KLRG2: variants seen among roughly 807,000 people sequenced by gnomAD.
KLRG2 encodes killer cell lectin-like receptor subfamily G member 2.
Under a neutral mutation model 35.4 loss-of-function variants are expected in KLRG2, and 39 were observed. The observed-to-expected ratio is 1.10, with a 90% confidence interval of 0.85 to 1.44. The LOEUF (loss-of-function observed/expected upper bound fraction) is 1.44, where lower values mean the gene tolerates loss of function less well. Among genes scored for constraint, KLRG2 ranks in the 40% most tolerant of loss-of-function variants. The pLI is 0.00. For synonymous variants in KLRG2, 283 were observed against 265.8 expected (o/e 1.06, Z -0.63); for missense variants, 632 against 570.9 (o/e 1.11, Z -1.09).
Position 139,479,705 on chromosome 7 carries a change from T to C in KLRG2, c.927A>G (p.Ala309=), listed in dbSNP as rs1371869992. The C allele has an allele frequency of 6.2e-7, 1 of 1,613,972 alleles. No individual in the cohort carries two copies. The highest frequency in any genetic ancestry group is 8.5e-7 in the Non-Finnish European group (1 of 1,180,018). ...LSEEHCYYFS[A]EAQAWEASQA... ...GGCTGGCTTCCCAGGCCTGCGCTTC[T>C]GCAGAGAAGTAGTAACAGTGCTCCT... is the stretch of plus-strand genomic sequence containing the variant. Residue 309 remains alanine, a synonymous_variant, in exon 3 of 5, where the codon GCA becomes GCG. Transcript: ENST00000340940.
chr7:139,445,793 G>GTATATATATATAGATGTA, the KLRG2 span, among the ~76,000 whole-genome samples: 1 of 95,600 alleles, frequency 1.0e-5, no homozygotes, highest in African/African-American at 8.3e-5. Flanking sequence ...ATATATATAT[G>GTATATATATATAGATGTA]TGTGTATATA....
downstream of KLRG2, among the ~76,000 whole-genome samples, chr7:139,448,245 C>G (rs552627764): frequency 2.0e-5 from 3 of 152,118 alleles, no homozygotes; most frequent in Non-Finnish European, 2.9e-5. Flanking sequence ...ATCCTCCTAC[C>G]TCTGCCTCCT....
the KLRG2 span, among the ~76,000 whole-genome samples, chr7:139,430,880 G>A: frequency 4.0e-5 from 6 of 151,826 alleles, no homozygotes; most frequent in South Asian, 1.3e-3. Flanking sequence ...ATGGTGGCAG[G>A]TGCCTATAAT....
At chr7:139,449,323 C>T (rs1796343120), downstream of KLRG2, among the ~76,000 whole-genome samples, 1 of 151,972 alleles carries the variant, frequency 6.6e-6, no homozygotes, top group African/African-American at 2.4e-5. Context: ...ATCACTGGAA[C>T]CTGGGAGGTG....
At chr7:139,453,930 T>C (rs1294340531) in intron 4 of KLRG2, among the ~76,000 whole-genome samples, 181 bp downstream of exon 4, 1 of 152,086 alleles carries the variant, frequency 6.6e-6, no homozygotes, top group African/African-American at 2.4e-5. Flanking sequence ...TGGGTGAACG[T>C]GCTGGGAACC....
Position 139,460,950 on chromosome 7 carries a change from G to A in KLRG2, c.1006-6736C>T, listed in dbSNP as rs368725589. On this transcript the variant is annotated intron_variant, in intron 3 of 4. Transcript: ENST00000340940. ...TGCACTCGAGCCTGGGTGACAGAGC[G>A]AGACTCTGTGTCAATTGAAAAAAAG... Among the ~76,000 whole-genome samples, 22 of 149,572 alleles carry A rather than the reference G, an allele frequency of 1.5e-4. No homozygotes were observed. The East Asian group carries it at 2.8e-3, about 19-fold the overall frequency.
chr7:139,455,611 G>T (rs550619582), intron 3 of KLRG2, among the ~76,000 whole-genome samples: 10 of 152,274 alleles, frequency 6.6e-5, no homozygotes, highest in Non-Finnish European at 1.3e-4. Context: ...GTGAGCCACC[G>T]CGCCCGGCCA....
chr7:139,439,556 T>C, the KLRG2 span, among the ~76,000 whole-genome samples: 1 of 152,226 alleles, frequency 6.6e-6, no homozygotes, highest in Non-Finnish European at 1.5e-5. Context: ...CCGACACTCA[T>C]GAGGGTTCCA....
intron 3 of KLRG2, among the ~76,000 whole-genome samples, chr7:139,460,140 C>T (rs936761825): frequency 4.6e-5 from 7 of 152,186 alleles, no homozygotes; most frequent in African/African-American, 1.4e-4. Flanking sequence ...CCCGCCTTGG[C>T]CCCCCAAAGT....
the KLRG2 span, among the ~76,000 whole-genome samples, chr7:139,437,760 CATT>C: frequency 2.6e-4 from 39 of 152,142 alleles, no homozygotes; most frequent in Non-Finnish European, 5.4e-4. Flanking sequence ...ACCCGGCCAT[CATT>C]AGTCATTTTT....
At chr7:139,453,747 G>C (rs554278739) in intron 4 of KLRG2, 40 bp from the exon 5 acceptor site, 2 of 1,612,374 alleles carry the variant, frequency 1.2e-6, no homozygotes, top group South Asian at 2.2e-5. Context: ...AGGTGTTTAG[G>C]GTGCCGGGGC....
At chr7:139,463,693 G>A (rs1051902007) in intron 3 of KLRG2, among the ~76,000 whole-genome samples, 32 of 152,188 alleles carry the variant, frequency 2.1e-4, no homozygotes, top group African/African-American at 7.2e-4. Context: ...CAACCCCAGA[G>A]TCCCTGGAAC....
At position 139,462,178 on chromosome 7, in the gene KLRG2, G is replaced by A. The variant is rs557227496; in HGVS notation, c.1006-7964C>T. On this transcript the variant is annotated intron_variant, in intron 3 of 4. Coordinates refer to ENST00000340940, the MANE Select transcript of KLRG2 (RefSeq NM_198508.4). ...ACTCCATCGCTAGTTACGGACTCGG[G>A]AAAACAGTCTTCCCTTGGTGTTTAA... Among the ~76,000 whole-genome samples, 85 of 152,280 alleles carry A rather than the reference G, an allele frequency of 5.6e-4. 1 individual carries two copies. The East Asian group carries it at 0.016, about 28-fold the overall frequency.
chr7:139,434,044 G>T, the KLRG2 span, among the ~76,000 whole-genome samples: 3 of 152,326 alleles, frequency 2.0e-5, no homozygotes, highest in Non-Finnish European at 4.4e-5. Flanking sequence ...GCTGGGAGGA[G>T]CTGAAAGGCT....
At chr7:139,477,909 C>T (rs1402265499) in intron 3 of KLRG2, among the ~76,000 whole-genome samples, 2 of 151,988 alleles carry the variant, frequency 1.3e-5, no homozygotes, top group Non-Finnish European at 2.9e-5. Context: ...CAGGCGCCCG[C>T]CACCGCGCCC....
chr7:139,470,560 G>A (rs940009972), intron 3 of KLRG2, among the ~76,000 whole-genome samples: 5 of 152,200 alleles, frequency 3.3e-5, no homozygotes, highest in Non-Finnish European at 7.3e-5. Flanking sequence ...GGGAGCCTGA[G>A]GTGGGAGGAT....
At chr7:139,455,507 G>T (rs544975775) in intron 3 of KLRG2, among the ~76,000 whole-genome samples, 23 of 152,112 alleles carry the variant, frequency 1.5e-4, no homozygotes, top group African/African-American at 5.3e-4. Flanking sequence ...ATTTTTAGTA[G>T]AGATGGGGTT....
chr7:139,459,488 C>A (rs1019236117), intron 3 of KLRG2, among the ~76,000 whole-genome samples: 5 of 152,168 alleles, frequency 3.3e-5, no homozygotes, highest in Non-Finnish European at 5.9e-5. Flanking sequence ...CTTCAATTTG[C>A]AGATACAACC....
At chr7:139,440,252 GGTGTGT>G in the KLRG2 span, among the ~76,000 whole-genome samples, 1 of 151,676 alleles carries the variant, frequency 6.6e-6, no homozygotes, top group African/African-American at 2.4e-5. Context: ...TGGAATTATA[GGTGTGT>G]GCCACCACAC....
Sources: gnomAD v4.1 joint callset for allele counts (sites outside exome capture counted in the v4.1 genomes callset) on GRCh38, gnomAD v4.1.1 for gene constraint, MANE v1.5 for transcripts, NCBI Gene and HGNC (gene_info 2026-07-23, HGNC 2026-07-21) for gene names.